Variants in GBE1 observed in about 807,000 individuals in gnomAD.
The protein encoded by GBE1 is 1,4-alpha-glucan branching enzyme 1.
In GBE1, 70 loss-of-function variants were observed where a neutral mutation model predicts 88.8. That is an observed-to-expected ratio of 0.79 (90% CI 0.65 to 0.96). The LOEUF is 0.96. GBE1 is among the 40% of genes least tolerant of loss of function. The pLI, the probability that GBE1 is intolerant of heterozygous loss-of-function variation, is 0.00. For missense variants in GBE1, 872 were observed against 871.0 expected, an observed-to-expected ratio of 1.00 and a Z score of -0.01; for synonymous variants, 284 against 300.1, an observed-to-expected ratio of 0.95 and a Z score of 0.56.
chr3:81,710,877 C>G (rs1238092525), intron 1 of GBE1, among the ~76,000 whole-genome samples: 1 of 152,010 alleles, frequency 6.6e-6, no homozygotes, highest in Non-Finnish European at 1.5e-5. Flanking sequence ...TAGAAAAATA[C>G]AAATATAAAT....
intron 7 of GBE1, among the ~76,000 whole-genome samples, chr3:81,622,141 T>C (rs748618355): frequency 1.3e-5 from 2 of 152,202 alleles, no homozygotes; most frequent in African/African-American, 2.4e-5. Flanking sequence ...TTTTCTACAC[T>C]TGCTGCCTTC....
intron 7 of GBE1, among the ~76,000 whole-genome samples, chr3:81,611,589 A>C (rs753827765): frequency 9.9e-5 from 15 of 152,188 alleles, no homozygotes; most frequent in Non-Finnish European, 2.2e-4. Flanking sequence ...CAAATACGAA[A>C]TGAGCTATCT....
At chr3:81,509,294 C>CTTTTTT (rs34753672) in intron 14 of GBE1, among the ~76,000 whole-genome samples, 1 of 123,790 alleles carries the variant, frequency 8.1e-6, no homozygotes, top group Non-Finnish European at 1.7e-5. Context: ...TAGGGTTTGT[C>CTTTTTT]TTTTTTTTTT....
intron 3 of GBE1, among the ~76,000 whole-genome samples, chr3:81,660,936 T>TGAA (rs1705019808): frequency 6.6e-6 from 1 of 152,182 alleles, no homozygotes; most frequent in Admixed American, 6.5e-5. Context: ...AAGGTATACT[T>TGAA]GGTCAAAGTG....
At chr3:81,714,084 T>C (rs1705908025) in intron 1 of GBE1, among the ~76,000 whole-genome samples, 2 of 152,216 alleles carry the variant, frequency 1.3e-5, no homozygotes, top group South Asian at 4.1e-4. Context: ...ATTCTGAATG[T>C]AATTCTTTCC....
intron 1 of GBE1, among the ~76,000 whole-genome samples, chr3:81,720,654 T>C (rs1173194853): frequency 1.3e-5 from 2 of 152,106 alleles, no homozygotes; most frequent in Admixed American, 1.3e-4. Flanking sequence ...CACTGATACA[T>C]TTCACTTACC....
intron 3 of GBE1, among the ~76,000 whole-genome samples, chr3:81,667,735 T>C (rs958520997): frequency 6.6e-6 from 1 of 152,212 alleles, no homozygotes; most frequent in Non-Finnish European, 1.5e-5. Context: ...TCTGTTTATG[T>C]GATGGATTAC....
At chr3:81,685,087 G>C (rs901088635) in intron 2 of GBE1, among the ~76,000 whole-genome samples, 1 of 152,166 alleles carries the variant, frequency 6.6e-6, no homozygotes, top group Non-Finnish European at 1.5e-5. Context: ...GAGACACATA[G>C]AGTAAGAAAA....
chr3:81,721,869 C>A (rs60509885), intron 1 of GBE1, among the ~76,000 whole-genome samples: 9,005 of 152,186 alleles, frequency 0.059, 582 homozygotes, highest in East Asian at 0.35. Flanking sequence ...AAGTGCCCCC[C>A]AAACAACATC....
intron 3 of GBE1, chr3:81,654,550 C>T (rs1304419010): frequency 6.6e-6 from 1 of 152,092 alleles, no homozygotes; most frequent in Non-Finnish European, 1.5e-5. Flanking sequence ...GAAAGTGTAG[C>T]AGGCTAACAG....
At chr3:81,509,293 T>TC in intron 14 of GBE1, among the ~76,000 whole-genome samples, 1 of 140,724 alleles carries the variant, frequency 7.1e-6, no homozygotes, top group Non-Finnish European at 1.6e-5. Context: ...TTAGGGTTTG[T>TC]CTTTTTTTTT....
At position 81,512,628 on chromosome 3, in the gene GBE1, T is replaced by C. The variant is rs1448641813; in HGVS notation, c.1935-13401A>G. ...TATCTGGTGACCAAATGTAAAACTG[T>C]ACTGAATTTAGAGAAACTAGATTTA... is the stretch of plus-strand genomic sequence containing the variant. On this transcript the variant is annotated intron_variant, in intron 14 of 15. Transcript: ENST00000429644. Among the ~76,000 whole-genome samples, 21 of 151,818 alleles carry C rather than the reference T, an allele frequency of 1.4e-4. 1 individual carries two copies. Among genetic ancestry groups the C allele is most frequent in the Non-Finnish European group, 1.5e-5 (1 of 67,852 alleles).
chr3:81,551,618 T>A (rs1375581521), intron 12 of GBE1, among the ~76,000 whole-genome samples: 1 of 152,176 alleles, frequency 6.6e-6, no homozygotes, highest in Admixed American at 6.5e-5. Flanking sequence ...GTCCCACCTG[T>A]CCTTCAAGTT....
intron 12 of GBE1, among the ~76,000 whole-genome samples, chr3:81,544,776 T>C (rs566430155): frequency 4.3e-4 from 66 of 152,242 alleles, no homozygotes; most frequent in Non-Finnish European, 7.4e-4. Flanking sequence ...TGCTGTTTGA[T>C]GTAAAGGTCC....
chr3:81,572,018 G>A (rs568949645), intron 12 of GBE1, among the ~76,000 whole-genome samples: 20 of 152,164 alleles, frequency 1.3e-4, no homozygotes, highest in Non-Finnish European at 2.8e-4. Context: ...CACATGTCAA[G>A]GGAGAGACCA....
intron 7 of GBE1, among the ~76,000 whole-genome samples, chr3:81,623,858 T>TG (rs1704365566): frequency 6.6e-6 from 1 of 152,104 alleles, no homozygotes; most frequent in Non-Finnish European, 1.5e-5. Context: ...TAAATAAAGA[T>TG]GGGGGTCTCA....
At position 81,736,987 on chromosome 3, in the gene GBE1, T is replaced by C. The variant is rs948171026; in HGVS notation, c.143+24388A>G. Among the ~76,000 whole-genome samples the C allele has an allele frequency of 2.0e-5, 3 of 152,054 alleles. No individual in the cohort carries two copies. In the South Asian group the frequency reaches 6.2e-4, roughly 31 times the overall value. On this transcript the variant is annotated intron_variant, in intron 1 of 15. Coordinates refer to ENST00000429644, the MANE Select transcript of GBE1 (RefSeq NM_000158.4). The stretch of plus-strand genomic sequence containing the variant: ...GGAGTAGTAGAAGCAGGAAGGCTGG[T>C]ATTAAGTTGTATCAGACATTGGTGG...
At chr3:81,643,218 A>G (rs866491985) in intron 6 of GBE1, among the ~76,000 whole-genome samples, 3 of 151,886 alleles carry the variant, frequency 2.0e-5, no homozygotes, top group African/African-American at 7.3e-5. Flanking sequence ...GTAGATTTAT[A>G]CCCCAACCAA....
chr3:81,639,373 A>G (rs1704637978), intron 7 of GBE1, among the ~76,000 whole-genome samples: 1 of 152,094 alleles, frequency 6.6e-6, no homozygotes, highest in African/African-American at 2.4e-5. Context: ...TATTTCAGAC[A>G]TAACTCTCTG....
Sources: allele counts gnomAD v4.1 joint callset (sites outside exome capture counted in the v4.1 genomes callset), GRCh38; gene constraint gnomAD v4.1.1; transcripts MANE v1.5; gene names NCBI Gene and HGNC (gene_info 2026-07-23, HGNC 2026-07-21).